The following USP34 variants were observed in gnomAD, a reference collection of about 807,000 sequenced individuals.
The protein encoded by USP34 is ubiquitin carboxyl-terminal hydrolase 34.
Under a neutral mutation model 460.3 loss-of-function variants are expected in USP34, and 70 were observed. That is an observed-to-expected ratio of 0.15 (90% confidence interval 0.13 to 0.19). The LOEUF is 0.19. Ranked by LOEUF, USP34 falls within the 10% of genes least tolerant of loss-of-function variation. The probability of loss-of-function intolerance (pLI) is 1.00; values close to 1 mark genes in which losing one functional copy is unlikely to be tolerated. For synonymous variants in USP34, 1,647 were observed against 1,405.3 expected, an observed-to-expected ratio of 1.17 and a Z score of -3.85; for missense variants, 3,985 against 4,236.2, an observed-to-expected ratio of 0.94 and a Z score of 1.65.
At chr2:61,430,079 G>C (rs1694624064) in intron 1 of USP34, among the ~76,000 whole-genome samples, 1 of 152,164 alleles carries the variant, frequency 6.6e-6, no homozygotes, top group Non-Finnish European at 1.5e-5. Flanking sequence ...GCCGCGCGTG[G>C]TGGTGGGCAC....
At chr2:61,319,379 A>G (rs754245071) in intron 21 of USP34, 52 bp from the exon 22 acceptor site, 8 of 1,361,614 alleles carry the variant, frequency 5.9e-6, no homozygotes, top group Non-Finnish European at 6.8e-6. Context: ...CAAAAAAATT[A>G]AACTTCTCTT....
chr2:61,298,088 T>C (rs904434803), intron 29 of USP34, among the ~76,000 whole-genome samples: 1 of 152,106 alleles, frequency 6.6e-6, no homozygotes, highest in African/African-American at 2.4e-5. Context: ...ATAAGTATGT[T>C]CTGCAATGAC....
At chr2:61,378,913 GAAAAAAAA>G (rs34463913) in intron 7 of USP34, among the ~76,000 whole-genome samples, 16 of 57,874 alleles carry the variant, frequency 2.8e-4, no homozygotes, top group African/African-American at 1.0e-3. Context: ...TCAAAAAAAC[GAAAAAAAA>G]AAAAAAAAAA....
Position 61,198,820 on chromosome 2 carries a change from G to A in USP34, c.9508+4320C>T, listed in dbSNP as rs574433847. Among the ~76,000 whole-genome samples the A allele has an allele frequency of 5.9e-5, 9 of 152,264 alleles. 1 individual carries two copies. The South Asian group carries it at 1.9e-3, about 32-fold the overall frequency. Reference sequence around the variant, plus strand: ...GGAGGTGGAGGATGCAGTGAGCCAAGGTCACACCACTGCACTCCAGCCTGG... The same window carrying A: ...GGAGGTGGAGGATGCAGTGAGCCAAAGTCACACCACTGCACTCCAGCCTGG... On this transcript the variant is annotated intron_variant, in intron 75 of 79. Coordinates refer to ENST00000398571, the MANE Select transcript of USP34 (RefSeq NM_014709.4).
rs1693262811 is a variant in USP34, at chr2:61,389,105, T to C, written c.753+5748A>G. Among the ~76,000 whole-genome samples, 5 of 151,982 alleles carry C rather than the reference T, an allele frequency of 3.3e-5. No homozygotes were observed. In the South Asian group the frequency reaches 1.0e-3, roughly 32 times the overall value. On this transcript the variant is annotated intron_variant, in intron 5 of 79. Coordinates refer to ENST00000398571, the MANE Select transcript of USP34 (RefSeq NM_014709.4). The stretch of plus-strand genomic sequence containing the variant: ...AATTGTAGTGTTTAGGGATATAAGA[T>C]TAGGTGATAAAACTTTGTTTAAAAA...
chr2:61,363,802 C>A (rs1692344914), intron 10 of USP34, among the ~76,000 whole-genome samples: 1 of 152,072 alleles, frequency 6.6e-6, no homozygotes, highest in Non-Finnish European at 1.5e-5. Flanking sequence ...GTGGAAACAA[C>A]CCAAATGTCC....
chr2:61,410,949 C>T (rs999943212), intron 2 of USP34, among the ~76,000 whole-genome samples: 4 of 151,956 alleles, frequency 2.6e-5, no homozygotes, highest in African/African-American at 9.7e-5. Flanking sequence ...GAAAATAAGA[C>T]GACTAATGAA....
chr2:61,210,560 T>C (rs1687245788), intron 69 of USP34, among the ~76,000 whole-genome samples: 1 of 152,238 alleles, frequency 6.6e-6, no homozygotes, highest in Admixed American at 6.5e-5. Flanking sequence ...TGTAACCCTG[T>C]TGTTATGCAA....
chr2:61,330,780 A>G (rs1572940882), intron 20 of USP34, among the ~76,000 whole-genome samples: 1 of 152,192 alleles, frequency 6.6e-6, no homozygotes, highest in African/African-American at 2.4e-5. Flanking sequence ...GAATATATCC[A>G]GAGAATATTT....
chr2:61,259,119 C>T (rs1321281267), intron 44 of USP34, among the ~76,000 whole-genome samples: 2 of 151,876 alleles, frequency 1.3e-5, no homozygotes, highest in African/African-American at 2.4e-5. Flanking sequence ...TTTAGCCAGG[C>T]GTGGTGGTGT....
At chr2:61,320,737 TG>T (rs1431684508) in intron 21 of USP34, among the ~76,000 whole-genome samples, 2 of 151,952 alleles carry the variant, frequency 1.3e-5, no homozygotes, top group Non-Finnish European at 2.9e-5. Flanking sequence ...AGGCTGGGCG[TG>T]GTGGCTCACG....
At chr2:61,382,117 T>C (rs1005749428) in intron 6 of USP34, among the ~76,000 whole-genome samples, 4 of 152,210 alleles carry the variant, frequency 2.6e-5, no homozygotes, top group African/African-American at 7.2e-5. Context: ...AGGACTAATA[T>C]ATAAACCTTT....
intron 51 of USP34, among the ~76,000 whole-genome samples, chr2:61,243,813 T>C (rs1688344913): frequency 6.7e-6 from 1 of 150,254 alleles, no homozygotes. Context: ...GAGGCTGCAG[T>C]GAGCCAAGAT....
chr2:61,218,454 A>G (rs1228347578), intron 67 of USP34, among the ~76,000 whole-genome samples: 1 of 152,012 alleles, frequency 6.6e-6, no homozygotes, highest in African/African-American at 2.4e-5. Flanking sequence ...TCCCTCACCT[A>G]GTTTCCCCCA....
chr2:61,284,730 C>T (rs77542524), intron 35 of USP34, 145 bp downstream of exon 35: 14,584 of 583,878 alleles, frequency 0.025, 225 homozygotes, highest in Non-Finnish European at 0.029. Flanking sequence ...GTTAATAATA[C>T]GTAAATTTGG....
intron 1 of USP34, among the ~76,000 whole-genome samples, chr2:61,435,515 C>T (rs942098897): frequency 2.7e-5 from 4 of 150,576 alleles, no homozygotes; most frequent in South Asian, 2.1e-4. Context: ...CCTGCAGAAA[C>T]GCAGGAGAAA....
intron 3 of USP34, among the ~76,000 whole-genome samples, chr2:61,400,936 G>T (rs1349794971): frequency 6.6e-6 from 1 of 152,006 alleles, no homozygotes; most frequent in Non-Finnish European, 1.5e-5. Context: ...CAGGTCACAA[G>T]ATCAAGTGAT....
chr2:61,331,186 T>G, intron 20 of USP34, 90 bp downstream of exon 20: 1 of 1,085,660 alleles, frequency 9.2e-7, no homozygotes, highest in Non-Finnish European at 1.3e-6. Context: ...AATTACTTAT[T>G]ATATGAAAAA....
At position 61,222,848 on chromosome 2, in the gene USP34, A is replaced by G; in HGVS notation, c.7750-185T>C. On this transcript the variant is annotated intron_variant, in intron 64 of 79. Coordinates refer to ENST00000398571, the MANE Select transcript of USP34 (RefSeq NM_014709.4). ...GTGGCTGGGACTACAGGCATGTGCCACTACACCCGGCTAGATTTTTCTATT... is the reference window on the plus strand; with the variant it reads ...GTGGCTGGGACTACAGGCATGTGCCGCTACACCCGGCTAGATTTTTCTATT... The G allele has an allele frequency of 7.3e-6, 5 of 682,774 alleles. No individual in the cohort carries two copies. In the Middle Eastern group the frequency reaches 1.2e-3, roughly 169 times the overall value. The allele number at this position is 682,774 out of a possible 1,614,324, so 42.3% of individuals were successfully genotyped here.
Sources: gnomAD v4.1 joint callset for allele counts (sites outside exome capture counted in the v4.1 genomes callset) on GRCh38, gnomAD v4.1.1 for gene constraint, MANE v1.5 for transcripts, NCBI Gene and HGNC (gene_info 2026-07-23, HGNC 2026-07-21) for gene names.